Variants in DHX34 observed in about 807,000 individuals in gnomAD.
DHX34 encodes the protein DExH-box helicase 34, also known as probable ATP-dependent RNA helicase DHX34.
DHX34 carries 96 observed loss-of-function variants against 111.1 expected under a neutral mutation model. The observed-to-expected ratio is 0.86, with a 90% CI of 0.73 to 1.02. DHX34 has a LOEUF of 1.02. Ranked by LOEUF, DHX34 falls within the 50% of genes least tolerant of loss-of-function variation. The pLI is 0.00. For synonymous variants in DHX34, 688 were observed against 670.4 expected, an observed-to-expected ratio of 1.03 and a Z score of -0.41; for missense variants, 1,560 against 1,579.9, an observed-to-expected ratio of 0.99 and a Z score of 0.21.
At position 47,353,065 on chromosome 19, in the gene DHX34, G is replaced by A. The variant is rs771147357; in HGVS notation, c.35G>A (p.Arg12His). The change falls in exon 2 of 17, where the codon CGC (arginine) becomes CAC (histidine). Residue 12 changes from arginine to histidine, a missense_variant. Coordinates refer to ENST00000328771, the MANE Select transcript of DHX34 (RefSeq NM_014681.6). The surrounding 1 kb of genome is among the most constrained non-coding windows in gnomAD (Gnocchi z 4.6). ...PPPRTREGRD[R>H]RDHHRAPSEE... ...CCTAGAACAAGGGAGGGCAGGGATC[G>A]CCGAGACCACCACCGGGCTCCCAGC... 19 of 1,613,584 alleles carry A rather than the reference G, an allele frequency of 1.2e-5. No homozygotes were observed. Among genetic ancestry groups the A allele is most frequent in the South Asian group, 3.3e-5 (3 of 91,088 alleles).
At chr19:47,365,255 T>A (rs1969756825) in intron 6 of DHX34, among the ~76,000 whole-genome samples, 1 of 151,676 alleles carries the variant, frequency 6.6e-6, no homozygotes, top group Non-Finnish European at 1.5e-5. Context: ...TTTATTTATT[T>A]ATTTATTTAT....
At chr19:47,377,734 G>C (rs181174471) in intron 13 of DHX34, among the ~76,000 whole-genome samples, 1 of 142,352 alleles carries the variant, frequency 7.0e-6, no homozygotes, top group African/African-American at 2.9e-5. Context: ...CCAGAGAGGC[G>C]AGGGAGACAG....
At chr19:47,380,091 C>T in intron 14 of DHX34, 106 bp downstream of exon 14, 6 of 1,446,778 alleles carry the variant, frequency 4.1e-6, no homozygotes, top group Admixed American at 5.5e-5. Flanking sequence ...CACATGGGCA[C>T]ATTTGGGGGT....
intron 6 of DHX34, 46 bp downstream of exon 6, chr19:47,362,739 G>A: frequency 6.6e-7 from 1 of 1,520,902 alleles, no homozygotes; most frequent in Non-Finnish European, 8.8e-7. Flanking sequence ...TGCTGGCACA[G>A]GGAGGAACCT....
intron 5 of DHX34, among the ~76,000 whole-genome samples, chr19:47,360,774 T>C (rs1030470780): frequency 1.4e-4 from 22 of 152,104 alleles, no homozygotes; most frequent in Non-Finnish European, 2.8e-4. Flanking sequence ...CGGGTTCAAG[T>C]GATTCTCCTG....
At chr19:47,376,407 A>G in intron 11 of DHX34, 36 bp from the exon 12 acceptor site, 1 of 1,594,786 alleles carries the variant, frequency 6.3e-7, no homozygotes, top group South Asian at 1.1e-5. Flanking sequence ...GAGAGAGCAG[A>G]TAGGAGGGCT....
At chr19:47,375,170 C>A (rs1970095174) in intron 9 of DHX34, among the ~76,000 whole-genome samples, 1 of 152,192 alleles carries the variant, frequency 6.6e-6, no homozygotes, top group Non-Finnish European at 1.5e-5. Flanking sequence ...GAAAGCAGGG[C>A]CCCCCAGACC....
intron 11 of DHX34, 161 bp downstream of exon 11, chr19:47,376,258 G>C: frequency 7.0e-7 from 1 of 1,432,210 alleles, no homozygotes; most frequent in Non-Finnish European, 9.2e-7. Context: ...AGACAACCCA[G>C]AGTGGGCAGG....
intron 13 of DHX34, among the ~76,000 whole-genome samples, chr19:47,378,656 T>A (rs744734): frequency 0.11 from 16,258 of 145,702 alleles, 1,274 homozygotes; most frequent in African/African-American, 0.22. Context: ...ATAGGGAGAC[T>A]CTATCTATCT....
chr19:47,379,947 A>C lies in DHX34; in HGVS notation c.2944A>C (p.Thr982Pro). Reference protein sequence around the residue: ...DTPVSPKEVATLSKELLQFTA... With the variant: ...DTPVSPKEVAPLSKELLQFTA... ...GCCAGTCAGCCCCAAGGAGGTGGCC[A>C]CCCTGAGCAAGGAACTCCTGCAATT... The change falls in exon 14 of 17, where the codon ACC becomes CCC. Residue 982 changes from threonine to proline, a missense_variant. Transcript: ENST00000328771. 1.2e-6 allele frequency: 2 copies of C among 1,600,618 alleles called. No individual in the cohort carries two copies. The highest frequency in any genetic ancestry group is 1.3e-5 in the African/African-American group (1 of 74,822).
intron 8 of DHX34, 182 bp from the exon 9 acceptor site, chr19:47,373,417 A>G: frequency 1.1e-6 from 1 of 949,750 alleles, no homozygotes. Context: ...CGGGGCATCT[A>G]ACCCAGTTTG....
rs1568409903 is a variant in DHX34, at chr19:47,381,301, A to G, written c.3275A>G (p.Gln1092Arg). The change falls in exon 16 of 17, where the codon CAG becomes CGG. Residue 1092 changes from glutamine to arginine, a missense_variant. Physicochemically the swap from Gln to Arg is conservative, Grantham distance 43 (BLOSUM62 1). Transcript: ENST00000328771. Reference sequence around the variant, plus strand: ...ATCGCCCATGAGAACACCTGCCCCCAGGCCCCACAGGATGGGCCCCCAGGT... The same window carrying G: ...ATCGCCCATGAGAACACCTGCCCCCGGGCCCCACAGGATGGGCCCCCAGGT... ...ERIAHENTCP[Q>R]APQDGPPGAE... 2 of 1,613,630 alleles carry G rather than the reference A, an allele frequency of 1.2e-6. No homozygotes were observed. The highest frequency in any genetic ancestry group is 8.5e-7 in the Non-Finnish European group (1 of 1,179,828).
At chr19:47,372,096 T>C (rs1038316855) in intron 7 of DHX34, among the ~76,000 whole-genome samples, 2 of 150,854 alleles carry the variant, frequency 1.3e-5, no homozygotes, top group African/African-American at 4.9e-5. Flanking sequence ...CCTGCCACTT[T>C]TCCTCTCTGT....
chr19:47,372,633 C>T (rs1397205757), intron 7 of DHX34, 97 bp from the exon 8 acceptor site: 5 of 1,451,946 alleles, frequency 3.4e-6, no homozygotes, highest in Non-Finnish European at 4.5e-6. Flanking sequence ...GGGGTGGGAG[C>T]AGGAGGGCAG....
chr19:47,358,554 A>G (rs1969531270), intron 4 of DHX34, among the ~76,000 whole-genome samples: 1 of 151,842 alleles, frequency 6.6e-6, no homozygotes, highest in Non-Finnish European at 1.5e-5. Flanking sequence ...CTTGGGCTCA[A>G]GTGATCCTCT....
intron 2 of DHX34, among the ~76,000 whole-genome samples, chr19:47,354,194 C>T (rs1969380532): frequency 6.6e-6 from 1 of 152,156 alleles, no homozygotes; most frequent in South Asian, 2.1e-4. Flanking sequence ...AACTCCTGAC[C>T]TCAGGTGATC....
intron 3 of DHX34, among the ~76,000 whole-genome samples, chr19:47,357,231 C>T (rs2694561): frequency 0.097 from 14,709 of 152,120 alleles, 966 homozygotes; most frequent in African/African-American, 0.18. Flanking sequence ...GAATATTTTT[C>T]TTGTTGAAGC....
Position 47,381,995 on chromosome 19 carries a change from C to T in DHX34, c.3314C>T (p.Ala1105Val). The change falls in exon 17 of 17, where the codon GCC (alanine) becomes GTC (valine). Residue 1105 changes from alanine (A) to valine (V), a missense_variant. Coordinates refer to ENST00000328771, the MANE Select transcript of DHX34 (RefSeq NM_014681.6). ...CCTCCCTTAGGGGCTGAGGAAGCTG[C>T]CCTCGAAACCCTCCAGAAGACATCT... ...QDGPPGAEEAALETLQKTSVL... is the reference protein window; with the variant it reads ...QDGPPGAEEAVLETLQKTSVL... 6.2e-7 allele frequency: 1 copy of T among 1,614,056 alleles called. No homozygotes were observed. Among genetic ancestry groups the T allele is most frequent in the Non-Finnish European group, 8.5e-7 (1 of 1,179,988 alleles).
Position 47,367,357 on chromosome 19 carries a change from C to G in DHX34, c.1768+202C>G, listed in dbSNP as rs574003668. ...GACACAAATCTCTGGCCTCAGGGAGCTGACATTTTGGTGAAGAAGACCAGC... is the reference window on the plus strand; with the variant it reads ...GACACAAATCTCTGGCCTCAGGGAGGTGACATTTTGGTGAAGAAGACCAGC... On this transcript the variant is annotated intron_variant, in intron 7 of 16. Coordinates refer to ENST00000328771, the MANE Select transcript of DHX34 (RefSeq NM_014681.6). 8.7e-4 allele frequency among the ~76,000 whole-genome samples: 133 copies of G among 152,282 alleles called. 2 individuals carry two copies. The South Asian group carries it at 0.026, about 30-fold the overall frequency.
Sources: allele counts gnomAD v4.1 joint callset (sites outside exome capture counted in the v4.1 genomes callset), GRCh38; gene constraint gnomAD v4.1.1; non-coding constraint Gnocchi (gnomAD v3.1); transcripts MANE v1.5; gene names NCBI Gene and HGNC (gene_info 2026-07-23, HGNC 2026-07-21).